COL25A1: variants seen among roughly 807,000 people sequenced by gnomAD.
COL25A1 encodes the protein collagen alpha-1(XXV) chain.
COL25A1 carries 103 observed loss-of-function variants against 128.4 expected under a neutral mutation model. That is an observed-to-expected ratio of 0.80 (90% CI 0.68 to 0.94). The LOEUF (loss-of-function observed/expected upper bound fraction) is 0.94, where lower values mean the gene tolerates loss of function less well. COL25A1 is among the 40% of genes least tolerant of loss of function. The probability of loss-of-function intolerance (pLI) is 0.00; values close to 1 mark genes in which losing one functional copy is unlikely to be tolerated. For synonymous variants in COL25A1, 279 were observed against 277.2 expected (o/e 1.01, Z -0.06); for missense variants, 745 against 840.0 (o/e 0.89, Z 1.40).
intron 5 of COL25A1, among the ~76,000 whole-genome samples, chr4:109,047,424 C>T (rs1459575259): frequency 6.6e-6 from 1 of 151,842 alleles, no homozygotes; most frequent in Non-Finnish European, 1.5e-5. Context: ...GGGAGCTAAG[C>T]TATGAGGATG....
intron 3 of COL25A1, among the ~76,000 whole-genome samples, chr4:109,298,226 A>C (rs1040075393): frequency 2.0e-5 from 3 of 151,974 alleles, no homozygotes; most frequent in Non-Finnish European, 4.4e-5. Context: ...TGTCCTTTTC[A>C]TCTCTCTCTC....
At chr4:108,952,604 A>G (rs1749566199) in intron 8 of COL25A1, among the ~76,000 whole-genome samples, 1 of 152,134 alleles carries the variant, frequency 6.6e-6, no homozygotes, top group South Asian at 2.1e-4. Flanking sequence ...ATACAATAAT[A>G]TTTTGGAACT....
chr4:109,223,338 TA>T (rs1778553638), intron 3 of COL25A1, among the ~76,000 whole-genome samples: 4 of 151,692 alleles, frequency 2.6e-5, no homozygotes. Flanking sequence ...TGTGTACTCT[TA>T]GAAAGTTGGG....
intron 3 of COL25A1, among the ~76,000 whole-genome samples, chr4:109,105,429 GTGCCAC>G (rs1766335132): frequency 6.6e-6 from 1 of 152,090 alleles, no homozygotes. Context: ...AGCCAAGATC[GTGCCAC>G]TGCACTCCAG....
intron 29 of COL25A1, 77 bp from the exon 30 acceptor site, chr4:108,844,646 G>T (rs913985179): frequency 7.1e-6 from 11 of 1,551,954 alleles, no homozygotes; most frequent in African/African-American, 1.4e-5. Flanking sequence ...TTGTGCTGGG[G>T]TTCTGCTAAG....
chr4:108,964,304 A>T (rs1181980848), intron 8 of COL25A1, among the ~76,000 whole-genome samples: 4 of 151,812 alleles, frequency 2.6e-5, no homozygotes, highest in Non-Finnish European at 5.9e-5. Flanking sequence ...TTTGATTTTA[A>T]TATCTCTGTG....
intron 10 of COL25A1, among the ~76,000 whole-genome samples, chr4:108,938,525 C>T (rs1361976475): frequency 6.6e-6 from 1 of 152,150 alleles, no homozygotes; most frequent in Non-Finnish European, 1.5e-5. Context: ...CTATGATGTG[C>T]TATGACGGCG....
intron 25 of COL25A1, 137 bp downstream of exon 25, chr4:108,852,765 T>TA (rs1288080093): frequency 1.5e-6 from 1 of 681,734 alleles, no homozygotes; most frequent in Non-Finnish European, 2.5e-6. Context: ...GGAGCAAATG[T>TA]AAAAGATTAT....
At chr4:108,875,552 T>A (rs979213469) in intron 19 of COL25A1, among the ~76,000 whole-genome samples, 1 of 152,096 alleles carries the variant, frequency 6.6e-6, no homozygotes, top group Non-Finnish European at 1.5e-5. Flanking sequence ...CATTAAAAAG[T>A]CAGGAAACAG....
At chr4:109,147,835 G>A (rs867941510) in intron 3 of COL25A1, among the ~76,000 whole-genome samples, 1 of 140,620 alleles carries the variant, frequency 7.1e-6, no homozygotes. Flanking sequence ...AAAAAAAAAA[G>A]TACTGGAGTA....
At chr4:109,099,622 A>T (rs879599004) in intron 3 of COL25A1, among the ~76,000 whole-genome samples, 145 of 127,316 alleles carry the variant, frequency 1.1e-3, no homozygotes, top group Non-Finnish European at 1.8e-3. Flanking sequence ...CCAAAGTTAT[A>T]AAAAAAAAAA....
At chr4:109,300,879 C>G (rs189100168) in intron 2 of COL25A1, among the ~76,000 whole-genome samples, 82 of 152,300 alleles carry the variant, frequency 5.4e-4, no homozygotes, top group African/African-American at 1.9e-3. Flanking sequence ...TAACATCTTT[C>G]TCCATTCTTC....
chr4:109,188,492 T>C (rs1775328065), intron 3 of COL25A1, among the ~76,000 whole-genome samples: 1 of 152,090 alleles, frequency 6.6e-6, no homozygotes, highest in Non-Finnish European at 1.5e-5. Context: ...AAGACACCAT[T>C]TCACTCCAGC....
intron 3 of COL25A1, among the ~76,000 whole-genome samples, chr4:109,147,544 T>C (rs1181666578): frequency 6.6e-6 from 1 of 152,188 alleles, no homozygotes; most frequent in Non-Finnish European, 1.5e-5. Flanking sequence ...GAGCTGGGCA[T>C]GGTGGTTCAC....
chr4:109,149,995 TGTGG>T lies in COL25A1; in HGVS notation c.368-99820_368-99817del, dbSNP rs201104132. Among the ~76,000 whole-genome samples, 1,010 of 147,668 alleles carry T rather than the reference TGTGG, an allele frequency of 6.8e-3. 21 individuals are homozygous for T. Among genetic ancestry groups the T allele is most frequent in the East Asian group, 0.041 (194 of 4,752 alleles). On this transcript the variant is annotated intron_variant, in intron 3 of 37. Coordinates refer to ENST00000399132, the MANE Select transcript of COL25A1 (RefSeq NM_198721.4). ...ATGTATGTGTATGTATGTGTGTATG[TGTGG>T]GTGTGTGTGTGTGTATGTATCTGTG...
chr4:109,171,430 C>T (rs553561540), intron 3 of COL25A1, among the ~76,000 whole-genome samples: 4 of 152,276 alleles, frequency 2.6e-5, no homozygotes, highest in Admixed American at 1.3e-4. Context: ...ATGGGAATAG[C>T]ACCCTTATAA....
chr4:108,978,288 G>A (rs983746765), intron 6 of COL25A1, among the ~76,000 whole-genome samples: 4 of 152,208 alleles, frequency 2.6e-5, no homozygotes, highest in African/African-American at 7.2e-5. Context: ...CTCCGGCCCC[G>A]ACTTGTGCAC....
intron 31 of COL25A1, among the ~76,000 whole-genome samples, chr4:108,837,021 G>A (rs1733894923): frequency 1.3e-5 from 2 of 152,138 alleles, no homozygotes; most frequent in African/African-American, 4.8e-5. Context: ...GGAGGTTGTG[G>A]TGAGCCAAGT....
At chr4:109,238,058 T>C (rs1365775714) in intron 3 of COL25A1, among the ~76,000 whole-genome samples, 1 of 152,086 alleles carries the variant, frequency 6.6e-6, no homozygotes, top group Non-Finnish European at 1.5e-5. Flanking sequence ...TGTTTATTCA[T>C]CTGTCAGTGA....
Sources: allele counts gnomAD v4.1 joint callset (sites outside exome capture counted in the v4.1 genomes callset), GRCh38; gene constraint gnomAD v4.1.1; transcripts MANE v1.5; gene names NCBI Gene and HGNC (gene_info 2026-07-23, HGNC 2026-07-21).